The following STK3 variants were observed in gnomAD, a reference collection of about 807,000 sequenced individuals.
STK3 encodes serine/threonine-protein kinase 3.
A neutral mutation model predicts 58.0 loss-of-function variants in STK3; 41 were observed. That is an observed-to-expected ratio of 0.71 (90% CI 0.55 to 0.92). The LOEUF (loss-of-function observed/expected upper bound fraction) is 0.92, where lower values mean the gene tolerates loss of function less well. Among genes scored for constraint, STK3 ranks in the 40% least tolerant of loss-of-function variants. The pLI, the probability that STK3 is intolerant of heterozygous loss-of-function variation, is 0.00. For missense variants in STK3, 479 were observed against 602.7 expected (o/e 0.79, Z 2.15); for synonymous variants, 170 against 191.0 (o/e 0.89, Z 0.91).
At chr8:98,546,488 CAAT>C (rs1421809073) in intron 9 of STK3, among the ~76,000 whole-genome samples, 1 of 152,076 alleles carries the variant, frequency 6.6e-6, no homozygotes. Flanking sequence ...AAAAAGCACT[CAAT>C]GATCTAATTG....
intron 3 of STK3, among the ~76,000 whole-genome samples, chr8:98,841,166 T>C (rs1835965861): frequency 1.3e-5 from 2 of 152,318 alleles, no homozygotes; most frequent in South Asian, 4.1e-4. Context: ...AGAAGTGGCA[T>C]CCTATTATTT....
chr8:98,766,254 GA>G (rs1305714341), intron 3 of STK3, among the ~76,000 whole-genome samples: 1 of 152,036 alleles, frequency 6.6e-6, no homozygotes, highest in Non-Finnish European at 1.5e-5. Context: ...CCCTCAAAAA[GA>G]AAAAAGTATC....
At chr8:98,451,265 G>C (rs1222156012), downstream of STK3, among the ~76,000 whole-genome samples, 1 of 152,004 alleles carries the variant, frequency 6.6e-6, no homozygotes, top group Non-Finnish European at 1.5e-5. Context: ...ATGCATTGTG[G>C]GGAAACAAGA....
chr8:98,551,168 T>A (rs773587644), intron 8 of STK3, among the ~76,000 whole-genome samples: 6 of 152,180 alleles, frequency 3.9e-5, no homozygotes, highest in Non-Finnish European at 7.4e-5. Flanking sequence ...AAATCATACC[T>A]AGTTTCAGAT....
intron 4 of STK3, among the ~76,000 whole-genome samples, chr8:98,727,991 T>G (rs1243941706): frequency 6.6e-6 from 1 of 152,232 alleles, no homozygotes; most frequent in African/African-American, 2.4e-5. Context: ...AAAGTAATAC[T>G]TAAGCTTACA....
intron 9 of STK3, among the ~76,000 whole-genome samples, chr8:98,539,085 T>C (rs1168976122): frequency 6.6e-6 from 1 of 152,134 alleles, no homozygotes. Context: ...AAAAGAATGG[T>C]AAGTGAGAAA....
chr8:98,929,250 G>A (rs1237432182), intron 1 of STK3, among the ~76,000 whole-genome samples: 4 of 152,096 alleles, frequency 2.6e-5, no homozygotes, highest in African/African-American at 9.7e-5. Context: ...GGCAACAAGA[G>A]CAAAACTCCA....
In STK3 at chr8:98,707,301, T is replaced by C. The variant is rs577272361; in HGVS notation, c.362A>G (p.Asp121Gly). 75 of 1,530,242 alleles carry C rather than the reference T, an allele frequency of 4.9e-5. No homozygotes were observed. The South Asian group carries it at 8.8e-4, about 18-fold the overall frequency. 94.8% of individuals were successfully genotyped at this position (1,530,242 alleles called of 1,614,324 possible). A position where few individuals can be genotyped will look rare whatever the true frequency, so the allele number is the denominator to read the frequency against. ...IRLRNKTLIE[D>G]EIATILKSTL... Reference sequence around the variant, plus strand: ...AGATTTAAGAATGGTTGCAATTTCATCTTCTATTAACTGGAAAGAAATATT... The same window carrying C: ...AGATTTAAGAATGGTTGCAATTTCACCTTCTATTAACTGGAAAGAAATATT... The change falls in exon 5 of 11, where the codon GAT becomes GGT. Residue 121 changes from aspartate (D) to glycine (G), a missense_variant. By Grantham distance (94) the Asp-to-Gly change is moderately conservative. Around this residue, in one of 3 missense-constraint regions of STK3, gnomAD observed 126 missense variants for 210.1 expected, o/e 0.60. Coordinates refer to ENST00000419617, the MANE Select transcript of STK3 (RefSeq NM_006281.4).
intron 3 of STK3, among the ~76,000 whole-genome samples, chr8:98,755,991 A>C (rs1830264331): frequency 1.3e-5 from 2 of 152,024 alleles, no homozygotes; most frequent in Admixed American, 1.3e-4. Flanking sequence ...AATACAAAAA[A>C]AATTAGCTGG....
At chr8:98,769,430 T>C (rs1272461935) in intron 2 of STK3, among the ~76,000 whole-genome samples, 1 of 152,210 alleles carries the variant, frequency 6.6e-6, no homozygotes, top group African/African-American at 2.4e-5. Flanking sequence ...AGCTCTCTCT[T>C]TGCCCGCTGC....
At chr8:98,924,721 A>C (rs908128426) in intron 1 of STK3, among the ~76,000 whole-genome samples, 6 of 152,240 alleles carry the variant, frequency 3.9e-5, no homozygotes, top group African/African-American at 1.4e-4. Context: ...CCTGAGGCAC[A>C]GTTTAATTTA....
chr8:98,870,261 G>C (rs2131873217), intron 3 of STK3, among the ~76,000 whole-genome samples: 1 of 152,268 alleles, frequency 6.6e-6, no homozygotes. Flanking sequence ...ATTTGGGTTG[G>C]TTCCAAGTCT....
intron 1 of STK3, among the ~76,000 whole-genome samples, chr8:98,940,105 C>T (rs947265653): frequency 9.2e-5 from 14 of 152,132 alleles, no homozygotes; most frequent in Non-Finnish European, 1.5e-5. Context: ...TCTGTGCCCG[C>T]GCGCCGCCCC....
chr8:98,748,438 T>C (rs935418783), intron 4 of STK3, among the ~76,000 whole-genome samples: 1 of 152,154 alleles, frequency 6.6e-6, no homozygotes, highest in Non-Finnish European at 1.5e-5. Context: ...GAAAAAAAAT[T>C]AGTAAAATAA....
chr8:98,448,663 G>C (rs1267940478), intron 1 of STK3, among the ~76,000 whole-genome samples: 1 of 152,122 alleles, frequency 6.6e-6, no homozygotes, highest in African/African-American at 2.4e-5. Flanking sequence ...ACAACTAGTT[G>C]CTTGGTTTAA....
At chr8:98,400,184 G>C (rs1301505893), downstream of STK3, among the ~76,000 whole-genome samples, 1 of 152,162 alleles carries the variant, frequency 6.6e-6, no homozygotes, top group African/African-American at 2.4e-5. Flanking sequence ...GCCCCCAGAG[G>C]GGGAGCCAGT....
chr8:98,885,899 G>A (rs1837970518), intron 1 of STK3, among the ~76,000 whole-genome samples: 1 of 152,190 alleles, frequency 6.6e-6, no homozygotes, highest in Non-Finnish European at 1.5e-5. Context: ...TTATTGATAT[G>A]CACAACTCCT....
At chr8:98,641,715 G>C (rs977466204) in intron 6 of STK3, among the ~76,000 whole-genome samples, 1 of 152,162 alleles carries the variant, frequency 6.6e-6, no homozygotes, top group African/African-American at 2.4e-5. Context: ...GCTAAAATAT[G>C]CATATGTAAA....
chr8:98,358,317 T>C, the STK3 span, among the ~76,000 whole-genome samples: 4,645 of 152,082 alleles, frequency 0.031, 252 homozygotes, highest in African/African-American at 0.11. Context: ...GCAGGTCCAA[T>C]CACACGCCCG....
Sources: gnomAD v4.1 joint callset for allele counts (sites outside exome capture counted in the v4.1 genomes callset) on GRCh38, gnomAD v4.1.1 for gene constraint, gnomAD v4.1.1 regional missense constraint, MANE v1.5 for transcripts, NCBI Gene and HGNC (gene_info 2026-07-23, HGNC 2026-07-21) for gene names.